The following GRID1 variants were observed in gnomAD, a reference collection of about 807,000 sequenced individuals.
GRID1 encodes glutamate receptor ionotropic, delta-1.
Under a neutral mutation model 98.0 loss-of-function variants are expected in GRID1, and 28 were observed. The observed-to-expected ratio is 0.29, with a 90% CI of 0.21 to 0.39. GRID1 has a LOEUF of 0.39. Among genes scored for constraint, GRID1 ranks in the 10% least tolerant of loss-of-function variants. The pLI, the probability that GRID1 is intolerant of heterozygous loss-of-function variation, is 1.00. For synonymous variants in GRID1, 553 were observed against 538.5 expected, an observed-to-expected ratio of 1.03 and a Z score of -0.37; for missense variants, 1,111 against 1,340.5, an observed-to-expected ratio of 0.83 and a Z score of 2.67.
intron 4 of GRID1, among the ~76,000 whole-genome samples, chr10:85,939,157 G>A (rs1841965516): frequency 6.6e-6 from 1 of 152,106 alleles, no homozygotes; most frequent in Non-Finnish European, 1.5e-5. Flanking sequence ...CTGCCTCCGG[G>A]GGACCCCTGA....
At chr10:86,175,741 C>T (rs976188639) in intron 3 of GRID1, among the ~76,000 whole-genome samples, 1 of 151,762 alleles carries the variant, frequency 6.6e-6, no homozygotes, top group Non-Finnish European at 1.5e-5. Flanking sequence ...CAGAGTTTCA[C>T]TCTTGTTGCC....
At chr10:85,962,232 C>A (rs2131849745) in intron 4 of GRID1, among the ~76,000 whole-genome samples, 1 of 152,298 alleles carries the variant, frequency 6.6e-6, no homozygotes, top group Non-Finnish European at 1.5e-5. Context: ...CCCTTCCCGG[C>A]ATTCCTTTCC....
In GRID1 at chr10:85,768,120, A is replaced by G. The variant is rs560411115; in HGVS notation, c.1234-38506T>C. 1.3e-5 allele frequency among the ~76,000 whole-genome samples: 2 copies of G among 152,332 alleles called. 1 individual carries two copies. The highest frequency in any genetic ancestry group is 4.1e-4 in the South Asian group (2 of 4,828). On this transcript the variant is annotated intron_variant, in intron 8 of 15. Coordinates refer to ENST00000327946, the MANE Select transcript of GRID1 (RefSeq NM_017551.3). ...CCGAGCTAAAATCGATTAAAAGGAA[A>G]TGAAAGCTGAGAATGTTTTTTCCAT... is the stretch of plus-strand genomic sequence containing the variant.
intron 4 of GRID1, among the ~76,000 whole-genome samples, chr10:86,129,615 T>C (rs1007673848): frequency 2.0e-5 from 3 of 152,214 alleles, no homozygotes; most frequent in Non-Finnish European, 2.9e-5. Context: ...CTCTTTACCA[T>C]GTTCACCCCA....
chr10:86,148,602 C>T (rs1392677416), intron 3 of GRID1, among the ~76,000 whole-genome samples: 1 of 152,034 alleles, frequency 6.6e-6, no homozygotes, highest in African/African-American at 2.4e-5. Flanking sequence ...TCATAACAGA[C>T]TCGATTTTAA....
At chr10:86,245,633 A>C (rs1056910928) in intron 2 of GRID1, among the ~76,000 whole-genome samples, 1 of 152,206 alleles carries the variant, frequency 6.6e-6, no homozygotes, top group Non-Finnish European at 1.5e-5. Flanking sequence ...CACCCAAAGG[A>C]ACTGCCTGTG....
At chr10:86,172,858 TA>T (rs1025759535) in intron 3 of GRID1, among the ~76,000 whole-genome samples, 3 of 152,168 alleles carry the variant, frequency 2.0e-5, no homozygotes, top group African/African-American at 7.2e-5. Flanking sequence ...CTTGTTATTA[TA>T]AAAAAATTTC....
intron 2 of GRID1, among the ~76,000 whole-genome samples, chr10:86,341,348 TGGA>T (rs767824853): frequency 3.2e-4 from 48 of 151,940 alleles, no homozygotes; most frequent in Admixed American, 6.5e-4. Flanking sequence ...TCCCGGAGGA[TGGA>T]GGAGAAGATG....
intron 3 of GRID1, among the ~76,000 whole-genome samples, chr10:86,168,594 G>T (rs1025089909): frequency 2.0e-5 from 3 of 152,214 alleles, no homozygotes; most frequent in Non-Finnish European, 4.4e-5. Context: ...AGTGCCCACT[G>T]CACCCTGAGG....
At chr10:86,153,653 C>A (rs1845201685) in intron 3 of GRID1, among the ~76,000 whole-genome samples, 2 of 152,156 alleles carry the variant, frequency 1.3e-5, no homozygotes, top group Non-Finnish European at 2.9e-5. Flanking sequence ...TGGCTGGATA[C>A]CCCAGCCCAG....
intron 8 of GRID1, among the ~76,000 whole-genome samples, chr10:85,792,048 T>A (rs566703378): frequency 8.5e-5 from 13 of 152,222 alleles, no homozygotes; most frequent in African/African-American, 2.9e-4. Flanking sequence ...GAAGCCTAAG[T>A]GTATTCATGA....
chr10:86,031,493 C>A (rs982222010), intron 4 of GRID1, among the ~76,000 whole-genome samples: 3 of 152,090 alleles, frequency 2.0e-5, no homozygotes, highest in African/African-American at 7.2e-5. Flanking sequence ...TCATTAGACG[C>A]CCAAACCTCA....
At chr10:86,193,873 G>T (rs971761211) in intron 3 of GRID1, among the ~76,000 whole-genome samples, 1 of 151,318 alleles carries the variant, frequency 6.6e-6, no homozygotes, top group East Asian at 1.9e-4. Flanking sequence ...TCCCACTACC[G>T]CTCACTCCCA....
At chr10:86,037,354 C>A (rs576611985) in intron 4 of GRID1, among the ~76,000 whole-genome samples, 11 of 152,318 alleles carry the variant, frequency 7.2e-5, no homozygotes, top group African/African-American at 2.6e-4. Flanking sequence ...GGAATCCTCA[C>A]TGCCATCTAG....
chr10:85,609,491 T>C (rs766537616), intron 15 of GRID1, among the ~76,000 whole-genome samples: 1 of 152,200 alleles, frequency 6.6e-6, no homozygotes, highest in Non-Finnish European at 1.5e-5. Flanking sequence ...ACTCTTTACA[T>C]GCAGTTGAAG....
At chr10:85,706,553 T>C (rs1202382102) in intron 12 of GRID1, among the ~76,000 whole-genome samples, 3 of 152,094 alleles carry the variant, frequency 2.0e-5, no homozygotes, top group Non-Finnish European at 2.9e-5. Flanking sequence ...AATTTATAGA[T>C]TCAATGCCAT....
intron 8 of GRID1, among the ~76,000 whole-genome samples, chr10:85,812,730 TTCTCTC>T (rs3028889): frequency 4.7e-5 from 7 of 148,084 alleles, no homozygotes; most frequent in Non-Finnish European, 9.0e-5. Context: ...CAAACAGAAG[TTCTCTC>T]TCTCTCTCTC....
At chr10:85,616,506 C>A (rs1842790987) in intron 14 of GRID1, among the ~76,000 whole-genome samples, 2 of 152,322 alleles carry the variant, frequency 1.3e-5, no homozygotes, top group South Asian at 4.1e-4. Flanking sequence ...TGTGCAATGT[C>A]AGGCAAGTTG....
intron 2 of GRID1, among the ~76,000 whole-genome samples, chr10:86,301,760 A>G (rs1261550226): frequency 6.6e-6 from 1 of 152,246 alleles, no homozygotes; most frequent in Non-Finnish European, 1.5e-5. Flanking sequence ...CATCACTGAT[A>G]AAGGACCCCA....
Sources: allele counts gnomAD v4.1 joint callset (sites outside exome capture counted in the v4.1 genomes callset), GRCh38; gene constraint gnomAD v4.1.1; transcripts MANE v1.5; gene names NCBI Gene and HGNC (gene_info 2026-07-23, HGNC 2026-07-21).